MAGI1: variants seen among roughly 807,000 people sequenced by gnomAD.
MAGI1 encodes the protein membrane associated guanylate kinase, WW and PDZ domain containing 1, also known as membrane-associated guanylate kinase, WW and PDZ domain-containing protein 1.
In MAGI1, 58 loss-of-function variants were observed where a neutral mutation model predicts 139.9. The observed-to-expected ratio is 0.41, with a 90% CI of 0.34 to 0.52. The LOEUF (loss-of-function observed/expected upper bound fraction) is 0.52, where lower values mean the gene tolerates loss of function less well. Among genes scored for constraint, MAGI1 ranks in the 20% least tolerant of loss-of-function variants. The probability of loss-of-function intolerance (pLI) is 0.12; values close to 1 mark genes in which losing one functional copy is unlikely to be tolerated. For missense variants in MAGI1, 1,874 were observed against 1,901.6 expected (o/e 0.99, Z 0.27); for synonymous variants, 812 against 737.9 (o/e 1.10, Z -1.63).
At chr3:65,926,384 T>C (rs1299419349) in intron 1 of MAGI1, among the ~76,000 whole-genome samples, 1 of 143,844 alleles carries the variant, frequency 7.0e-6, no homozygotes, top group Admixed American at 7.0e-5. Flanking sequence ...TTTCCCTCCC[T>C]ACACCTCCCT....
At chr3:65,858,020 G>A (rs957847071) in intron 1 of MAGI1, among the ~76,000 whole-genome samples, 1 of 152,050 alleles carries the variant, frequency 6.6e-6, no homozygotes, top group Non-Finnish European at 1.5e-5. Flanking sequence ...GAGGTGGGAG[G>A]ATTGCTTGAG....
At chr3:65,586,816 C>T (rs962541764) in intron 2 of MAGI1, among the ~76,000 whole-genome samples, 8 of 151,292 alleles carry the variant, frequency 5.3e-5, no homozygotes, top group African/African-American at 1.7e-4. Flanking sequence ...CAGAACAGTT[C>T]GCTCCAATAT....
intron 14 of MAGI1, among the ~76,000 whole-genome samples, chr3:65,385,926 G>A (rs908108288): frequency 8.5e-5 from 13 of 152,132 alleles, no homozygotes; most frequent in Admixed American, 2.0e-4. Flanking sequence ...TTGTGTCTCC[G>A]TCTTTGAGTC....
chr3:65,587,174 C>T (rs1418431617), intron 2 of MAGI1, among the ~76,000 whole-genome samples: 1 of 152,170 alleles, frequency 6.6e-6, no homozygotes, highest in Non-Finnish European at 1.5e-5. Flanking sequence ...ACAGATGCTC[C>T]TCGACTCACT....
At chr3:65,652,586 C>T (rs959614678) in intron 1 of MAGI1, among the ~76,000 whole-genome samples, 1 of 152,190 alleles carries the variant, frequency 6.6e-6, no homozygotes, top group Non-Finnish European at 1.5e-5. Flanking sequence ...ACTGCTTTAA[C>T]TTAGGGACTA....
chr3:65,465,846 A>G (rs116631252), intron 5 of MAGI1, among the ~76,000 whole-genome samples: 1,700 of 152,272 alleles, frequency 0.011, 36 homozygotes, highest in African/African-American at 0.039. Context: ...TGGGACTCCA[A>G]TGAAATAAAT....
chr3:65,852,052 G>A (rs1346347113), intron 1 of MAGI1, among the ~76,000 whole-genome samples: 1 of 152,128 alleles, frequency 6.6e-6, no homozygotes, highest in East Asian at 1.9e-4. Flanking sequence ...GCTGGAAGTG[G>A]GAAGGCTCAA....
chr3:65,751,686 T>TGTA (rs984595289), intron 1 of MAGI1, among the ~76,000 whole-genome samples: 1 of 152,134 alleles, frequency 6.6e-6, no homozygotes, highest in African/African-American at 2.4e-5. Flanking sequence ...GTGGGCAGTG[T>TGTA]GTATGTAAGG....
At chr3:65,369,007 CT>C (rs968277224) in intron 18 of MAGI1, among the ~76,000 whole-genome samples, 4 of 152,168 alleles carry the variant, frequency 2.6e-5, no homozygotes, top group East Asian at 1.9e-4. Context: ...TGTTGTTTGA[CT>C]TCTTAGATTT....
intron 3 of MAGI1, among the ~76,000 whole-genome samples, chr3:65,485,182 C>T (rs1312875331): frequency 6.6e-6 from 1 of 152,148 alleles, no homozygotes; most frequent in Non-Finnish European, 1.5e-5. Flanking sequence ...CCAAGATCTG[C>T]ATCACTTCAC....
intron 2 of MAGI1, among the ~76,000 whole-genome samples, chr3:65,503,788 G>C (rs990270347): frequency 1.3e-5 from 2 of 152,176 alleles, no homozygotes; most frequent in African/African-American, 2.4e-5. Flanking sequence ...ATCTGATCTG[G>C]TTTTCATGAT....
intron 14 of MAGI1, among the ~76,000 whole-genome samples, chr3:65,385,402 A>G (rs1943367450): frequency 6.6e-6 from 1 of 152,202 alleles, no homozygotes. Flanking sequence ...TTCAAATGCT[A>G]TAGTGCATAC....
At chr3:65,897,619 T>C (rs1173254389) in intron 1 of MAGI1, among the ~76,000 whole-genome samples, 3 of 147,140 alleles carry the variant, frequency 2.0e-5, no homozygotes, top group South Asian at 2.2e-4. Context: ...AACCTGCATG[T>C]TGTGCACATG....
At chr3:65,982,764 C>T (rs1411393245) in intron 1 of MAGI1, among the ~76,000 whole-genome samples, 5 of 152,060 alleles carry the variant, frequency 3.3e-5, no homozygotes, top group Non-Finnish European at 5.9e-5. Flanking sequence ...TCAGTAGGCA[C>T]CAGTGCCAAA....
chr3:65,530,396 T>G (rs2078587714), intron 2 of MAGI1, among the ~76,000 whole-genome samples: 1 of 151,948 alleles, frequency 6.6e-6, no homozygotes, highest in African/African-American at 2.4e-5. Flanking sequence ...GGTGTATTGC[T>G]TGAGCCCAGG....
chr3:65,617,347 G>C (rs150683689), intron 2 of MAGI1, among the ~76,000 whole-genome samples: 1 of 152,290 alleles, frequency 6.6e-6, no homozygotes, highest in Non-Finnish European at 1.5e-5. Context: ...GCATTCCAGA[G>C]AACCAGAACT....
At chr3:65,576,592 T>C (rs550204938) in intron 2 of MAGI1, among the ~76,000 whole-genome samples, 1 of 152,320 alleles carries the variant, frequency 6.6e-6, no homozygotes, top group African/African-American at 2.4e-5. Context: ...TGCTATCTTG[T>C]TGCTTTGCTT....
intron 1 of MAGI1, among the ~76,000 whole-genome samples, chr3:65,885,447 C>T (rs569886355): frequency 4.1e-4 from 63 of 152,008 alleles, no homozygotes; most frequent in African/African-American, 1.4e-3. Context: ...TATTCCCTAT[C>T]AAGTATAATG....
intron 1 of MAGI1, among the ~76,000 whole-genome samples, chr3:65,782,449 G>C (rs2039007018): frequency 6.6e-6 from 1 of 152,054 alleles, no homozygotes; most frequent in African/African-American, 2.4e-5. Context: ...AGTCAGAACT[G>C]TAAGATAATA....
Sources: gnomAD v4.1 joint callset for allele counts (sites outside exome capture counted in the v4.1 genomes callset) on GRCh38, gnomAD v4.1.1 for gene constraint, MANE v1.5 for transcripts, NCBI Gene and HGNC (gene_info 2026-07-23, HGNC 2026-07-21) for gene names.